The following COL7A1 variants were observed in gnomAD, a reference collection of about 807,000 sequenced individuals.
COL7A1 encodes the protein collagen type VII alpha 1 chain.
Under a neutral mutation model 456.2 loss-of-function variants are expected in COL7A1, and 296 were observed. The observed-to-expected ratio is 0.65, with a 90% CI of 0.59 to 0.71. COL7A1 has a LOEUF of 0.71. Among genes scored for constraint, COL7A1 ranks in the 30% least tolerant of loss-of-function variants. The probability of loss-of-function intolerance (pLI) is 0.00; values close to 1 mark genes in which losing one functional copy is unlikely to be tolerated. For missense variants in COL7A1, 3,441 were observed against 4,017.2 expected (o/e 0.86, Z 3.88); for synonymous variants, 1,464 against 1,525.9 (o/e 0.96, Z 0.95).
rs769174648 is a variant in COL7A1, at chr3:48,565,359, T to C, written c.8527+51A>G. The C allele has an allele frequency of 6.4e-7, 1 of 1,560,576 alleles. No homozygotes were observed. The highest frequency in any genetic ancestry group is 1.2e-5 in the South Asian group (1 of 86,384). On this transcript the variant is annotated intron_variant, in intron 116 of 118. Transcript: ENST00000681320. The surrounding 1 kb of genome is among the most constrained non-coding windows in gnomAD (Gnocchi z 4.5). ...TGCCCTGCATTCATGGACACCCATG[T>C]GCGTGTCTCGGCCCCACCCATAGCT...
In COL7A1 at chr3:48,581,575, G is replaced by A. The variant is rs267599859; in HGVS notation, c.4780C>T (p.Arg1594Trp). 5.4e-5 allele frequency: 87 copies of A among 1,613,952 alleles called. No individual in the cohort carries two copies. Among genetic ancestry groups the A allele is most frequent in the African/African-American group, 3.1e-4 (23 of 74,876 alleles). Reference protein sequence around the residue: ...DPGPKGDPGDRGPIGLTGRAG... With the variant: ...DPGPKGDPGDWGPIGLTGRAG... The stretch of plus-strand genomic sequence containing the variant: ...TCCCCATTCCCACATTGATTCACCC[G>A]GTCTCCAGGGTCTCCCTTGGGGCCA... The change falls in exon 50 of 119, where the codon CGG becomes TGG. Residue 1594 changes from arginine (R) to tryptophan (W), a missense_variant and splice_region_variant. Coordinates refer to ENST00000681320, the MANE Select transcript of COL7A1 (RefSeq NM_000094.4). This position sits in a 1 kb window ranked among gnomAD's most constrained non-coding sequence, Gnocchi z 5.8.
In COL7A1 at chr3:48,590,404, G is replaced by A; in HGVS notation, c.1907-48C>T. ...GCATGGCTCCTGCCTGTCCCCTCTG[G>A]CACCCATACCCTCATTGGTCCCTTT... On this transcript the variant is annotated intron_variant, in intron 15 of 118. Coordinates refer to ENST00000681320, the MANE Select transcript of COL7A1 (RefSeq NM_000094.4). This position sits in a 1 kb window ranked among gnomAD's most constrained non-coding sequence, Gnocchi z 4.6. 6.2e-7 allele frequency: 1 copy of A among 1,614,030 alleles called. No homozygotes were observed. The highest frequency in any genetic ancestry group is 8.5e-7 in the Non-Finnish European group (1 of 1,179,992).
rs1015391349 is a variant in COL7A1 at position 48,573,206 on chromosome 3, G to C, written c.6682C>G (p.Leu2228Val). ...CCTGAAGGGCCGGGGGGTCCAGGAA[G>C]TCCCACAGCTCCAGTAGGTCCAGTC... ...GLTGPTGAVG[L>V]PGPPGPSGLV... Residue 2228 changes from leucine to valine, a missense_variant, in exon 85 of 119, where the codon CTT becomes GTT. By Grantham distance (32) the Leu-to-Val change is conservative. Around this residue, in one of 3 missense-constraint regions of COL7A1, gnomAD observed 2,084 missense variants for 2,501.3 expected, o/e 0.83. Transcript: ENST00000681320. The surrounding 1 kb of genome is among the most constrained non-coding windows in gnomAD (Gnocchi z 5.5). 10 of 1,614,036 alleles carry C rather than the reference G, an allele frequency of 6.2e-6. No homozygotes were observed. The African/African-American group carries it at 1.1e-4, about 17-fold the overall frequency.
chr3:48,578,432 A>T lies in COL7A1; in HGVS notation c.5487+21T>A. On this transcript the variant is annotated intron_variant, in intron 64 of 118. Coordinates refer to ENST00000681320, the MANE Select transcript of COL7A1 (RefSeq NM_000094.4). The surrounding 1 kb of genome is among the most constrained non-coding windows in gnomAD (Gnocchi z 4.7). ...AGGGTAGTAAGGGGGAAAAGGGGGT[A>T]ACATGAAAGTCTGGTCTCACCGGTA... The T allele has an allele frequency of 6.2e-7, 1 of 1,613,454 alleles. No homozygotes were observed. Among genetic ancestry groups the T allele is most frequent in the East Asian group, 2.2e-5 (1 of 44,888 alleles).
In COL7A1 at chr3:48,594,413, G is replaced by A. The variant is rs764297570; in HGVS notation, c.221C>T (p.Ala74Val). The change falls in exon 3 of 119, where the codon GCA becomes GTA. Residue 74 changes from alanine (A) to valine (V), a missense_variant. Transcript: ENST00000681320. The surrounding 1 kb of genome is among the most constrained non-coding windows in gnomAD (Gnocchi z 5.5). ...CACTGTGGCAAAGCGCACACCCTGT[G>A]CACTGGCTGCTCCAGAGAAAGGCAG... ...LVLPFSGAAS[A>V]QGVRFATVQY... 49 of 1,611,690 alleles carry A rather than the reference G, an allele frequency of 3.0e-5. No homozygotes were observed. Among genetic ancestry groups the A allele is most frequent in the African/African-American group, 5.3e-5 (4 of 74,888 alleles).
chr3:48,586,513 C>G lies in COL7A1; in HGVS notation c.3404-35G>C. 1 of 1,613,774 alleles carries G rather than the reference C, an allele frequency of 6.2e-7. No individual in the cohort carries two copies. Among genetic ancestry groups the G allele is most frequent in the East Asian group, 2.2e-5 (1 of 44,894 alleles). On this transcript the variant is annotated intron_variant, in intron 26 of 118. Coordinates refer to ENST00000681320, the MANE Select transcript of COL7A1 (RefSeq NM_000094.4). The surrounding 1 kb of genome is among the most constrained non-coding windows in gnomAD (Gnocchi z 5.1). Reference sequence around the variant, plus strand: ...AGGACATGTCAGAACCCTGGGGCACCAAGCTCCCAGTGGATAGCCCCAGGA... The same window carrying G: ...AGGACATGTCAGAACCCTGGGGCACGAAGCTCCCAGTGGATAGCCCCAGGA...
chr3:48,566,758 G>C lies in COL7A1; in HGVS notation c.8227-21C>G. On this transcript the variant is annotated intron_variant, in intron 111 of 118. Transcript: ENST00000681320. The surrounding 1 kb of genome is among the most constrained non-coding windows in gnomAD (Gnocchi z 5.9). ...TCACCCTGTCAGACACAGGGACCAA[G>C]TGAGCAGGGTCAGAGGCAGTGGGGA... is the stretch of plus-strand genomic sequence containing the variant. 6.2e-7 allele frequency: 1 copy of C among 1,613,316 alleles called. No individual in the cohort carries two copies. The highest frequency in any genetic ancestry group is 8.5e-7 in the Non-Finnish European group (1 of 1,179,800).
At position 48,592,541 on chromosome 3, in the gene COL7A1, TG is replaced by T. The variant is rs1422803106; in HGVS notation, c.976+28del. Reference sequence around the variant, plus strand: ...GTACTGGGGTCGGGGGTTAGGTGAATGGGGTCAGAGGCTGGCAGAATTGCTC... The same window carrying T: ...GTACTGGGGTCGGGGGTTAGGTGAATGGGTCAGAGGCTGGCAGAATTGCTC... On this transcript the variant is annotated intron_variant, in intron 8 of 118. Transcript: ENST00000681320. This position sits in a 1 kb window ranked among gnomAD's most constrained non-coding sequence, Gnocchi z 7.6. 4 of 1,613,394 alleles carry T rather than the reference TG, an allele frequency of 2.5e-6. No individual in the cohort carries two copies. The highest frequency in any genetic ancestry group is 3.4e-6 in the Non-Finnish European group (4 of 1,179,928).
chr3:48,572,731 T>A lies in COL7A1; in HGVS notation c.6840A>T (p.Pro2280=). Residue 2280 remains proline (P), a synonymous_variant, in exon 88 of 119, where the codon CCA becomes CCT. Transcript: ENST00000681320. This position sits in a 1 kb window ranked among gnomAD's most constrained non-coding sequence, Gnocchi z 4.6. ...DRGSPGVPGS[P]GLPGPVGPKG... ...TAGGTCCGACAGGGCCAGGCAGACC[T>A]GGTGACCCCTATGGCAGAGCAGCGT... 2 of 1,610,026 alleles carry A rather than the reference T, an allele frequency of 1.2e-6. No homozygotes were observed. The highest frequency in any genetic ancestry group is 1.7e-6 in the Non-Finnish European group (2 of 1,178,170).
intron 44 of COL7A1, 127 bp downstream of exon 44, chr3:48,582,886 C>G (rs2044874847): frequency 1.4e-6 from 2 of 1,424,222 alleles, no homozygotes; most frequent in Non-Finnish European, 2.0e-6. Flanking sequence ...GAGCCTGTAT[C>G]AGCAGGGATA....
Position 48,592,645 on chromosome 3 carries a change from T to C in COL7A1, c.901A>G (p.Thr301Ala), listed in dbSNP as rs2045788427. 1 of 1,613,986 alleles carries C rather than the reference T, an allele frequency of 6.2e-7. No individual in the cohort carries two copies. Among genetic ancestry groups the C allele is most frequent in the South Asian group, 1.1e-5 (1 of 91,078 alleles). Reference sequence around the variant, plus strand: ...GCAATCACAGTCACTTGGTACTCGGTCAGTGGCCGGAGACCCCGCAGCCGC... The same window carrying C: ...GCAATCACAGTCACTTGGTACTCGGCCAGTGGCCGGAGACCCCGCAGCCGC... ...SVRLRGLRPL[T>A]EYQVTVIALY... Residue 301 changes from threonine to alanine, a missense_variant, in exon 8 of 119, where the codon ACC (threonine) becomes GCC (alanine). Physicochemically the swap from Thr to Ala is moderately conservative, Grantham distance 58. Transcript: ENST00000681320. The surrounding 1 kb of genome is among the most constrained non-coding windows in gnomAD (Gnocchi z 7.6).
Position 48,588,918 on chromosome 3 carries a change from C to T in COL7A1, c.2392G>A (p.Gly798Arg), listed in dbSNP as rs202237834. 5.5e-5 allele frequency: 88 copies of T among 1,613,664 alleles called. 1 individual carries two copies. In the East Asian group the frequency reaches 1.8e-3, roughly 34 times the overall value. ...SSDVLRITWV[G>R]VTGATAYRLA... ...CTGTAAGCTGTGGCTCCAGTGACCC[C>T]TACCCAGGTGATCCGTAGAACGTCG... The change falls in exon 19 of 119, where the codon GGG becomes AGG. Residue 798 changes from glycine (G) to arginine (R), a missense_variant. Physicochemically the swap from Gly to Arg is moderately radical, Grantham distance 125. This residue lies in a region of COL7A1 where 913 missense variants were observed against 1,088.2 expected (regional missense o/e 0.84). Coordinates refer to ENST00000681320, the MANE Select transcript of COL7A1 (RefSeq NM_000094.4). This position sits in a 1 kb window ranked among gnomAD's most constrained non-coding sequence, Gnocchi z 4.6.
chr3:48,583,569 G>C lies in COL7A1; in HGVS notation c.4388C>G (p.Ser1463Cys). Residue 1463 changes from serine (S) to cysteine (C), a missense_variant, in exon 41 of 119, where the codon TCT becomes TGT. Transcript: ENST00000681320. The surrounding 1 kb of genome is among the most constrained non-coding windows in gnomAD (Gnocchi z 5.1). ...GAPGLPGQPG[S>C]PGEQGPRGPP... is the part of the protein sequence containing the mutation. ...CCCTCCACTCACCTGCTCACCCGGA[G>C]ACCCAGGTTGTCCTGGGAGGCCTGG... 1 of 1,614,034 alleles carries C rather than the reference G, an allele frequency of 6.2e-7. No individual in the cohort carries two copies. Among genetic ancestry groups the C allele is most frequent in the Non-Finnish European group, 8.5e-7 (1 of 1,180,010 alleles).
At position 48,579,568 on chromosome 3, in the gene COL7A1, C is replaced by T. The variant is rs758022426; in HGVS notation, c.5235+20G>A. 1.1e-5 allele frequency: 18 copies of T among 1,613,740 alleles called. No individual in the cohort carries two copies. The highest frequency in any genetic ancestry group is 1.4e-5 in the Non-Finnish European group (17 of 1,179,990). On this transcript the variant is annotated intron_variant, in intron 59 of 118. Transcript: ENST00000681320. This position sits in a 1 kb window ranked among gnomAD's most constrained non-coding sequence, Gnocchi z 4.4. ...GCAGGCCCTCCCATGCCTGCACCCC[C>T]GAGGACCAATCACACTCACCCTTTC... is the stretch of plus-strand genomic sequence containing the variant.
In COL7A1 at chr3:48,573,155, G is replaced by A. The variant is rs748715122; in HGVS notation, c.6714+19C>T. ...GTGAAAACACGGTGTCCCTACAGGG[G>A]CCACAGGGACTCACTCACCACAAGG... On this transcript the variant is annotated intron_variant, in intron 85 of 118. Transcript: ENST00000681320. The surrounding 1 kb of genome is among the most constrained non-coding windows in gnomAD (Gnocchi z 5.5). 4 of 1,613,880 alleles carry A rather than the reference G, an allele frequency of 2.5e-6. No homozygotes were observed. The African/African-American group carries it at 4.0e-5, about 16-fold the overall frequency.
Position 48,567,212 on chromosome 3 carries a change from G to A in COL7A1, c.8047-22C>T. 1.2e-6 allele frequency: 2 copies of A among 1,613,300 alleles called. No homozygotes were observed. Among genetic ancestry groups the A allele is most frequent in the East Asian group, 2.2e-5 (1 of 44,888 alleles). On this transcript the variant is annotated intron_variant, in intron 109 of 118. Transcript: ENST00000681320. This position sits in a 1 kb window ranked among gnomAD's most constrained non-coding sequence, Gnocchi z 4.3. ...CACCCTGGGAACAGAAGAAGCATGA[G>A]AGACCTTCTGCCCTGACCTCCCTCA... is the stretch of plus-strand genomic sequence containing the variant.
In COL7A1 at chr3:48,564,760, C is replaced by T. The variant is rs747518989; in HGVS notation, c.8818+23G>A. The stretch of plus-strand genomic sequence containing the variant: ...CAGGCAGGCTCAGTGCCCAGTTCCC[C>T]ACGGTGGGGGCTCAGCCCATACCTG... On this transcript the variant is annotated intron_variant, in intron 118 of 118. Coordinates refer to ENST00000681320, the MANE Select transcript of COL7A1 (RefSeq NM_000094.4). This position sits in a 1 kb window ranked among gnomAD's most constrained non-coding sequence, Gnocchi z 6.0. 1.2e-6 allele frequency: 2 copies of T among 1,609,500 alleles called. No homozygotes were observed. Among genetic ancestry groups the T allele is most frequent in the East Asian group, 4.5e-5 (2 of 44,710 alleles).
chr3:48,583,622 G>A lies in COL7A1; in HGVS notation c.4342-7C>T, dbSNP rs1575464279. Reference sequence around the variant, plus strand: ...CTCCATCCTCAGAGTCACCCTGAAGGAGAAACACACGGGTGGGAAGACCGA... The same window carrying A: ...CTCCATCCTCAGAGTCACCCTGAAGAAGAAACACACGGGTGGGAAGACCGA... On this transcript the variant is annotated splice_polypyrimidine_tract_variant and splice_region_variant and intron_variant, in intron 40 of 118. Transcript: ENST00000681320. This position sits in a 1 kb window ranked among gnomAD's most constrained non-coding sequence, Gnocchi z 5.1. The A allele has an allele frequency of 1.2e-6, 2 of 1,614,032 alleles. No individual in the cohort carries two copies. The highest frequency in any genetic ancestry group is 2.2e-5 in the East Asian group (1 of 44,874).
chr3:48,583,418 C>A lies in COL7A1; in HGVS notation c.4412G>T (p.Gly1471Val). Residue 1471 changes from glycine to valine, a missense_variant, in exon 42 of 119, where the codon GGA (glycine) becomes GTA (valine). By Grantham distance (109) the Gly-to-Val change is moderately radical. Coordinates refer to ENST00000681320, the MANE Select transcript of COL7A1 (RefSeq NM_000094.4). The surrounding 1 kb of genome is among the most constrained non-coding windows in gnomAD (Gnocchi z 5.1). ...PGSPGEQGPRGPPGAIGPKGD... is the reference protein window; with the variant it reads ...PGSPGEQGPRVPPGAIGPKGD... Reference sequence around the variant, plus strand: ...TTTGGGGCCAATAGCTCCAGGAGGTCCCCGTGGGCCCTGGAAGGGATGAAT... The same window carrying A: ...TTTGGGGCCAATAGCTCCAGGAGGTACCCGTGGGCCCTGGAAGGGATGAAT... The A allele has an allele frequency of 1.2e-6, 2 of 1,614,128 alleles. No individual in the cohort carries two copies. Among genetic ancestry groups the A allele is most frequent in the Non-Finnish European group, 1.7e-6 (2 of 1,180,006 alleles).
Sources: gnomAD v4.1 joint callset for allele counts on GRCh38, gnomAD v4.1.1 for gene constraint, gnomAD v4.1.1 regional missense constraint, Gnocchi (gnomAD v3.1) non-coding constraint, MANE v1.5 for transcripts, NCBI Gene and HGNC (gene_info 2026-07-23, HGNC 2026-07-21) for gene names.